Variants in NUDCD1 observed in about 807,000 individuals in gnomAD.
NUDCD1 encodes nudC domain-containing protein 1.
Under a neutral mutation model 67.8 loss-of-function variants are expected in NUDCD1, and 60 were observed. That is an observed-to-expected ratio of 0.88 (90% CI 0.72 to 1.10). The LOEUF (loss-of-function observed/expected upper bound fraction) is 1.10, where lower values mean the gene tolerates loss of function less well. Ranked by LOEUF, NUDCD1 falls within the 50% of genes least tolerant of loss-of-function variation. The pLI is 0.00. For missense variants in NUDCD1, 643 were observed against 695.0 expected, an observed-to-expected ratio of 0.93 and a Z score of 0.84; for synonymous variants, 244 against 230.8, an observed-to-expected ratio of 1.06 and a Z score of -0.52.
At chr8:109,291,707 T>C (rs997696597) in intron 4 of NUDCD1, among the ~76,000 whole-genome samples, 3 of 152,204 alleles carry the variant, frequency 2.0e-5, no homozygotes, top group African/African-American at 7.2e-5. Flanking sequence ...AATGATTCTA[T>C]AACTACAATC....
In NUDCD1 at chr8:109,243,299, A is replaced by G. The variant is rs772160734; in HGVS notation, c.1462T>C (p.Tyr488His). Reference protein sequence around the residue: ...EHIATFNALGYVQASKRDKKF... With the variant: ...EHIATFNALGHVQASKRDKKF... The stretch of plus-strand genomic sequence containing the variant: ...TTGTCTCTCTTTGATGCTTGGACAT[A>G]GCCTGCCAAGAATATGAGACAAACA... The change falls in exon 10 of 10, where the codon TAT becomes CAT. Residue 488 changes from tyrosine (Y) to histidine (H), a missense_variant and splice_region_variant. Transcript: ENST00000239690. 2 of 1,574,008 alleles carry G rather than the reference A, an allele frequency of 1.3e-6. No individual in the cohort carries two copies. The highest frequency in any genetic ancestry group is 1.7e-6 in the Non-Finnish European group (2 of 1,155,214).
At chr8:109,308,407 C>T (rs1379650358) in intron 2 of NUDCD1, among the ~76,000 whole-genome samples, 1 of 152,092 alleles carries the variant, frequency 6.6e-6, no homozygotes, top group African/African-American at 2.4e-5. Context: ...TCTAAGGTCA[C>T]ACCTCAAGGA....
rs566114501 is a variant in NUDCD1 at position 109,307,276 on chromosome 8, T to C, written c.274-10707A>G. 2.6e-5 allele frequency among the ~76,000 whole-genome samples: 4 copies of C among 152,350 alleles called. No homozygotes were observed. The South Asian group carries it at 6.2e-4, about 24-fold the overall frequency. On this transcript the variant is annotated intron_variant, in intron 2 of 9. Transcript: ENST00000239690. ...GCCCTTAAGAAGGTACTTTGTAATA[T>C]TCTCTATGCCCTTAAGAATGTACTT...
intron 2 of NUDCD1, among the ~76,000 whole-genome samples, chr8:109,314,963 GA>G (rs2130110759): frequency 6.6e-6 from 1 of 152,050 alleles, no homozygotes; most frequent in Non-Finnish European, 1.5e-5. Context: ...AGCAAGTGGG[GA>G]TACCATTTAC....
intron 3 of NUDCD1, 30 bp downstream of exon 3, chr8:109,296,354 A>G: frequency 6.4e-7 from 1 of 1,571,884 alleles, no homozygotes; most frequent in African/African-American, 1.4e-5. Flanking sequence ...TACTTTCTGG[A>G]CTTCGCATAA....
intron 2 of NUDCD1, chr8:109,316,658 T>C (rs1444066347): frequency 6.6e-6 from 1 of 152,208 alleles, no homozygotes; most frequent in Non-Finnish European, 1.5e-5. Flanking sequence ...GTTGATTTCA[T>C]TTGTTGCTGA....
chr8:109,248,941 T>C (rs1422714965), intron 8 of NUDCD1, among the ~76,000 whole-genome samples: 1 of 152,170 alleles, frequency 6.6e-6, no homozygotes, highest in Non-Finnish European at 1.5e-5. Flanking sequence ...CTCTATGCCA[T>C]ATGCAAATGG....
At chr8:109,299,893 T>C (rs555571819) in intron 2 of NUDCD1, among the ~76,000 whole-genome samples, 21 of 152,258 alleles carry the variant, frequency 1.4e-4, no homozygotes, top group Admixed American at 3.9e-4. Context: ...CTGGTATCCA[T>C]GGCTGAGAGA....
chr8:109,310,219 T>C (rs1815210376), intron 2 of NUDCD1, among the ~76,000 whole-genome samples: 6 of 152,114 alleles, frequency 3.9e-5, no homozygotes. Flanking sequence ...TTTCAAACTA[T>C]ACTATAAGAC....
intron 5 of NUDCD1, among the ~76,000 whole-genome samples, chr8:109,282,578 A>C (rs887514446): frequency 6.6e-6 from 1 of 152,114 alleles, no homozygotes; most frequent in Admixed American, 6.5e-5. Context: ...TCTCTAGATA[A>C]GAAACCAGAA....
At chr8:109,259,020 T>C (rs1223386683) in intron 8 of NUDCD1, among the ~76,000 whole-genome samples, 2 of 152,210 alleles carry the variant, frequency 1.3e-5, no homozygotes, top group Non-Finnish European at 2.9e-5. Flanking sequence ...ACCTGAACTT[T>C]AAGCTGCTGG....
chr8:109,270,085 CCTTAA>C (rs1176646659), intron 8 of NUDCD1, among the ~76,000 whole-genome samples: 12 of 5,062 alleles, frequency 2.4e-3, no homozygotes, highest in Admixed American at 9.6e-3. Context: ...GGGGGGGGTG[CCTTAA>C]GGTGGGGTGT....
At chr8:109,328,289 T>C (rs1034067420) in intron 1 of NUDCD1, among the ~76,000 whole-genome samples, 12 of 152,170 alleles carry the variant, frequency 7.9e-5, no homozygotes, top group Non-Finnish European at 1.3e-4. Flanking sequence ...AACTGTAGTG[T>C]AAATCTTCAC....
chr8:109,274,833 A>C (rs1814240849), intron 7 of NUDCD1, among the ~76,000 whole-genome samples: 1 of 152,138 alleles, frequency 6.6e-6, no homozygotes, highest in African/African-American at 2.4e-5. Flanking sequence ...TCTTAACATG[A>C]TCTTACACGT....
chr8:109,314,052 A>T lies in NUDCD1; in HGVS notation c.273+8257T>A, dbSNP rs79819317. Among the ~76,000 whole-genome samples the T allele has an allele frequency of 1.4e-3, 206 of 152,290 alleles. 3 individuals are homozygous for T. The East Asian group carries it at 0.032, about 24-fold the overall frequency. On this transcript the variant is annotated intron_variant, in intron 2 of 9. Transcript: ENST00000239690. Reference sequence around the variant, plus strand: ...TTTTAAATGGACTATAAGCAATAAAATATCTTTTTCTCTAAATCCCAAAAT... The same window carrying T: ...TTTTAAATGGACTATAAGCAATAAATTATCTTTTTCTCTAAATCCCAAAAT...
intron 8 of NUDCD1, among the ~76,000 whole-genome samples, chr8:109,247,001 G>C (rs1813513549): frequency 1.3e-5 from 2 of 152,122 alleles, no homozygotes; most frequent in South Asian, 2.1e-4. Flanking sequence ...AGGGAAATAG[G>C]GCTTTTTCGT....
chr8:109,272,698 A>T (rs957537238), intron 7 of NUDCD1, among the ~76,000 whole-genome samples: 1 of 152,190 alleles, frequency 6.6e-6, no homozygotes, highest in Non-Finnish European at 1.5e-5. Flanking sequence ...TAATGAAATG[A>T]ACTGAGAGAA....
At chr8:109,277,498 A>G (rs917804572) in intron 6 of NUDCD1, among the ~76,000 whole-genome samples, 1 of 152,140 alleles carries the variant, frequency 6.6e-6, no homozygotes, top group African/African-American at 2.4e-5. Flanking sequence ...CAAATATAAT[A>G]AACTACAGAT....
intron 6 of NUDCD1, among the ~76,000 whole-genome samples, chr8:109,276,554 AT>A (rs1814293969): frequency 6.6e-6 from 1 of 152,172 alleles, no homozygotes; most frequent in Non-Finnish European, 1.5e-5. Context: ...AGCATTTAAC[AT>A]TTTTCTGAAA....
Sources: gnomAD v4.1 joint callset for allele counts (sites outside exome capture counted in the v4.1 genomes callset) on GRCh38, gnomAD v4.1.1 for gene constraint, MANE v1.5 for transcripts, NCBI Gene and HGNC (gene_info 2026-07-23, HGNC 2026-07-21) for gene names.